Variants in NIBAN1 observed in about 807,000 individuals in gnomAD.
The protein encoded by NIBAN1 is niban apoptosis regulator 1.
A neutral mutation model predicts 75.1 loss-of-function variants in NIBAN1; 81 were observed. The observed-to-expected ratio is 1.08, with a 90% confidence interval of 0.90 to 1.30. NIBAN1 has a LOEUF of 1.30. Among genes scored for constraint, NIBAN1 ranks in the 50% most tolerant of loss-of-function variants. NIBAN1 has a pLI of 0.00. For missense variants in NIBAN1, 1,133 were observed against 1,128.1 expected (o/e 1.00, Z -0.06); for synonymous variants, 436 against 424.8 (o/e 1.03, Z -0.32).
intron 1 of NIBAN1, among the ~76,000 whole-genome samples, chr1:184,936,977 C>T (rs569430220): frequency 2.8e-4 from 43 of 152,190 alleles, no homozygotes; most frequent in Non-Finnish European, 4.9e-4. Context: ...TATGAAGTCA[C>T]ACTACAAGAC....
intron 1 of NIBAN1, among the ~76,000 whole-genome samples, chr1:184,941,476 C>T (rs1434728651): frequency 6.6e-6 from 1 of 151,886 alleles, no homozygotes; most frequent in Admixed American, 6.6e-5. Flanking sequence ...ATGGAAAAAC[C>T]CTGTCTCTAC....
intron 5 of NIBAN1, among the ~76,000 whole-genome samples, chr1:184,845,298 C>G (rs1655407498): frequency 2.0e-5 from 3 of 152,128 alleles, no homozygotes; most frequent in South Asian, 4.1e-4. Flanking sequence ...GTTCAAGGAG[C>G]ATCTTGTTTA....
intron 1 of NIBAN1, among the ~76,000 whole-genome samples, chr1:184,931,517 T>C (rs1657822540): frequency 1.3e-5 from 2 of 152,206 alleles, no homozygotes; most frequent in South Asian, 4.1e-4. Flanking sequence ...AAAAAGTTAT[T>C]GTATAAGTAG....
chr1:184,966,518 C>T (rs1017434122), intron 1 of NIBAN1, among the ~76,000 whole-genome samples: 1 of 152,146 alleles, frequency 6.6e-6, no homozygotes, highest in African/African-American at 2.4e-5. Context: ...CAAATAAATA[C>T]CTGTTTTAAG....
intron 6 of NIBAN1, among the ~76,000 whole-genome samples, chr1:184,828,186 T>C (rs1654896574): frequency 6.6e-6 from 1 of 152,184 alleles, no homozygotes; most frequent in African/African-American, 2.4e-5. Context: ...CTTAACAGTC[T>C]GCCAGGCAAG....
intron 1 of NIBAN1, among the ~76,000 whole-genome samples, chr1:184,952,734 CTAAG>C (rs1298254085): frequency 1.3e-5 from 2 of 152,154 alleles, no homozygotes; most frequent in Admixed American, 6.5e-5. Flanking sequence ...TAAGTTCATC[CTAAG>C]TAAGTTTTTT....
At chr1:184,921,801 C>T (rs1014444738) in intron 1 of NIBAN1, among the ~76,000 whole-genome samples, 3 of 152,198 alleles carry the variant, frequency 2.0e-5, no homozygotes, top group Admixed American at 2.0e-4. Context: ...TTTTCAGGAA[C>T]ATTCAAATGG....
intron 5 of NIBAN1, among the ~76,000 whole-genome samples, chr1:184,880,492 T>C (rs1656349243): frequency 6.6e-6 from 1 of 152,216 alleles, no homozygotes. Context: ...CTGCCCATCT[T>C]CCTCTCTCCT....
intron 1 of NIBAN1, among the ~76,000 whole-genome samples, chr1:184,938,744 T>G (rs1658020965): frequency 6.6e-6 from 1 of 152,230 alleles, no homozygotes; most frequent in Non-Finnish European, 1.5e-5. Context: ...TACATAGTGC[T>G]GAGAGGCATA....
chr1:184,887,249 A>C (rs1357344967), intron 4 of NIBAN1, among the ~76,000 whole-genome samples: 3 of 152,172 alleles, frequency 2.0e-5, no homozygotes, highest in Non-Finnish European at 4.4e-5. Context: ...CACCAGCACA[A>C]GCCATGGCCC....
intron 2 of NIBAN1, among the ~76,000 whole-genome samples, chr1:184,896,128 A>G (rs529878125): frequency 6.6e-6 from 1 of 152,262 alleles, no homozygotes; most frequent in South Asian, 2.1e-4. Flanking sequence ...TATTTGTGAT[A>G]TCTCCATACT....
At chr1:184,935,834 C>A (rs4650672) in intron 1 of NIBAN1, among the ~76,000 whole-genome samples, 58,672 of 148,534 alleles carry the variant, frequency 0.4, 13,220 homozygotes, top group South Asian at 0.51. Flanking sequence ...GAATGAAAAC[C>A]AATCCTTTTC....
chr1:184,813,951 CACTGTA>C (rs1469708145), intron 9 of NIBAN1, among the ~76,000 whole-genome samples: 6 of 152,170 alleles, frequency 3.9e-5, no homozygotes, highest in Admixed American at 3.9e-4. Context: ...TATGAGTTAA[CACTGTA>C]ATATGTAATT....
intron 5 of NIBAN1, among the ~76,000 whole-genome samples, chr1:184,841,632 T>C (rs375917628): frequency 2.0e-5 from 3 of 152,220 alleles, no homozygotes; most frequent in Non-Finnish European, 2.9e-5. Context: ...ATTCGTTTCA[T>C]GGAGATTCAG....
intron 5 of NIBAN1, among the ~76,000 whole-genome samples, chr1:184,875,473 G>A (rs535990525): frequency 6.6e-6 from 1 of 152,120 alleles, no homozygotes; most frequent in South Asian, 2.1e-4. Flanking sequence ...TCTCTACATG[G>A]GCCTCTCCAG....
At chr1:184,844,121 A>C (rs553308985) in intron 5 of NIBAN1, among the ~76,000 whole-genome samples, 1 of 152,240 alleles carries the variant, frequency 6.6e-6, no homozygotes, top group Non-Finnish European at 1.5e-5. Flanking sequence ...GGGTCTTGGT[A>C]TAATTTATCA....
intron 1 of NIBAN1, among the ~76,000 whole-genome samples, chr1:184,961,338 G>A (rs995098480): frequency 2.0e-5 from 3 of 151,866 alleles, no homozygotes; most frequent in Non-Finnish European, 4.4e-5. Flanking sequence ...CAAAGTGCTG[G>A]GATTACAGTA....
At chr1:184,911,725 C>T (rs757817028) in intron 1 of NIBAN1, among the ~76,000 whole-genome samples, 1 of 152,196 alleles carries the variant, frequency 6.6e-6, no homozygotes, top group East Asian at 1.9e-4. Context: ...CTTCTCTGGA[C>T]CCTGCTCTGT....
At chr1:184,820,290 G>A (rs556011588) in intron 8 of NIBAN1, among the ~76,000 whole-genome samples, 1 of 152,272 alleles carries the variant, frequency 6.6e-6, no homozygotes, top group Admixed American at 6.5e-5. Flanking sequence ...AGCAGCAGAT[G>A]GCAGATCTGG....
Sources: gnomAD v4.1 joint callset for allele counts (sites outside exome capture counted in the v4.1 genomes callset) on GRCh38, gnomAD v4.1.1 for gene constraint, MANE v1.5 for transcripts, NCBI Gene and HGNC (gene_info 2026-07-23, HGNC 2026-07-21) for gene names.